CELF2: variants seen among roughly 807,000 people sequenced by gnomAD.
CELF2 encodes the protein CUGBP Elav-like family member 2.
CELF2 carries 8 observed loss-of-function variants against 62.6 expected under a neutral mutation model. The observed-to-expected ratio is 0.13, with a 90% confidence interval of 0.07 to 0.23. The LOEUF is 0.23. CELF2 is among the 10% of genes least tolerant of loss of function. The pLI, the probability that CELF2 is intolerant of heterozygous loss-of-function variation, is 1.00. For synonymous variants in CELF2, 258 were observed against 250.0 expected (o/e 1.03, Z -0.30); for missense variants, 333 against 671.0 (o/e 0.50, Z 5.56).
At chr10:10,884,890 T>C (rs965830337) in intron 1 of CELF2, among the ~76,000 whole-genome samples, 1 of 152,238 alleles carries the variant, frequency 6.6e-6, no homozygotes, top group Non-Finnish European at 1.5e-5. Context: ...TATTGTGGCC[T>C]TCTCTGCCAT....
chr10:10,750,483 C>T, the CELF2 span, among the ~76,000 whole-genome samples: 1 of 152,172 alleles, frequency 6.6e-6, no homozygotes, highest in Non-Finnish European at 1.5e-5. Context: ...TGTGCATTGA[C>T]ATGGGTCAGG....
chr10:10,602,976 G>C, the CELF2 span, among the ~76,000 whole-genome samples: 8 of 152,128 alleles, frequency 5.3e-5, no homozygotes, highest in Non-Finnish European at 8.8e-5. Flanking sequence ...GCGTAGCAAG[G>C]CCCAGGGAAA....
chr10:11,019,018 C>T (rs188033591), intron 1 of CELF2, among the ~76,000 whole-genome samples: 2 of 152,218 alleles, frequency 1.3e-5, no homozygotes, highest in East Asian at 3.9e-4. Flanking sequence ...TAATGTGATT[C>T]TGGTTGTTTT....
the CELF2 span, among the ~76,000 whole-genome samples, chr10:10,756,225 T>C: frequency 6.6e-6 from 1 of 152,218 alleles, no homozygotes; most frequent in Non-Finnish European, 1.5e-5. Context: ...AGATGACTAT[T>C]ACACTTTTCA....
chr10:10,695,625 C>T, the CELF2 span, among the ~76,000 whole-genome samples: 2 of 151,984 alleles, frequency 1.3e-5, no homozygotes, highest in African/African-American at 4.8e-5. Context: ...TCCATTCTCC[C>T]AATCACTTTC....
the CELF2 span, among the ~76,000 whole-genome samples, chr10:10,626,322 T>A: frequency 1.3e-5 from 2 of 152,184 alleles, no homozygotes; most frequent in Non-Finnish European, 2.9e-5. Flanking sequence ...GATCTCCCCA[T>A]GTATTCATGT....
the CELF2 span, among the ~76,000 whole-genome samples, chr10:10,770,106 G>T: frequency 2.6e-5 from 4 of 152,244 alleles, no homozygotes; most frequent in South Asian, 8.3e-4. Flanking sequence ...TAGAAAACTT[G>T]AAGGTTTCTG....
intron 1 of CELF2, among the ~76,000 whole-genome samples, chr10:10,876,525 C>T (rs1030816068): frequency 9.2e-5 from 14 of 152,166 alleles, no homozygotes; most frequent in South Asian, 2.1e-4. Flanking sequence ...CTTGGACAAG[C>T]GTGTCTTCTA....
the CELF2 span, among the ~76,000 whole-genome samples, chr10:10,493,917 A>T: frequency 6.6e-6 from 1 of 152,106 alleles, no homozygotes; most frequent in Admixed American, 6.5e-5. Flanking sequence ...CTCTGCCTAG[A>T]AAGTACCATT....
the CELF2 span, among the ~76,000 whole-genome samples, chr10:10,716,289 T>A: frequency 1.3e-5 from 2 of 152,236 alleles, no homozygotes; most frequent in Non-Finnish European, 2.9e-5. Flanking sequence ...CTCACGCCCA[T>A]AATCCCAATA....
intron 12 of CELF2, among the ~76,000 whole-genome samples, chr10:11,326,667 C>A (rs1366761490): frequency 6.6e-6 from 1 of 152,154 alleles, no homozygotes; most frequent in Non-Finnish European, 1.5e-5. Flanking sequence ...CAATAGCATT[C>A]ATTAAATATA....
the CELF2 span, among the ~76,000 whole-genome samples, chr10:10,613,137 AG>A: frequency 8.6e-3 from 45 of 5,234 alleles, no homozygotes; most frequent in Middle Eastern, 0.25. Flanking sequence ...TTAAAAGTAG[AG>A]GGTTTTTTTT....
chr10:10,549,063 A>C, the CELF2 span, among the ~76,000 whole-genome samples: 1 of 152,192 alleles, frequency 6.6e-6, no homozygotes, highest in African/African-American at 2.4e-5. Flanking sequence ...CGACTCTGTG[A>C]TCTTAGGCAG....
chr10:10,872,004 T>C (rs1180384178), intron 1 of CELF2, among the ~76,000 whole-genome samples: 1 of 152,226 alleles, frequency 6.6e-6, no homozygotes, highest in East Asian at 1.9e-4. Context: ...AAGAAGCTTA[T>C]ATCTTAAAGA....
At chr10:10,891,765 T>C (rs1487536119) in intron 1 of CELF2, among the ~76,000 whole-genome samples, 1 of 152,194 alleles carries the variant, frequency 6.6e-6, no homozygotes, top group Non-Finnish European at 1.5e-5. Context: ...ACCTCTGGCT[T>C]CTGGTCTCAG....
chr10:10,504,204 T>C, the CELF2 span, among the ~76,000 whole-genome samples: 1 of 152,110 alleles, frequency 6.6e-6, no homozygotes, highest in Non-Finnish European at 1.5e-5. Context: ...GCTTATTCTT[T>C]CATGGTTTTT....
At chr10:11,058,178 A>G (rs1298002814) in intron 1 of CELF2, among the ~76,000 whole-genome samples, 8 of 152,130 alleles carry the variant, frequency 5.3e-5, no homozygotes, top group Admixed American at 3.9e-4. Context: ...ACAAGTAGGC[A>G]TAAAATACTA....
chr10:10,577,521 C>T, the CELF2 span, among the ~76,000 whole-genome samples: 1 of 151,560 alleles, frequency 6.6e-6, no homozygotes, highest in Non-Finnish European at 1.5e-5. Flanking sequence ...CACCCCACCC[C>T]ACAACAGTCC....
At chr10:11,092,304 GAAT>G (rs961308359) in intron 1 of CELF2, 2 of 152,110 alleles carry the variant, frequency 1.3e-5, no homozygotes, top group African/African-American at 2.4e-5. Context: ...TCCTTTATTA[GAAT>G]AATGATGGTG....
Sources: allele counts gnomAD v4.1 joint callset (sites outside exome capture counted in the v4.1 genomes callset), GRCh38; gene constraint gnomAD v4.1.1; transcripts MANE v1.5; gene names NCBI Gene and HGNC (gene_info 2026-07-23, HGNC 2026-07-21).